DNM1L: variants seen among roughly 807,000 people sequenced by gnomAD.
DNM1L encodes the protein dynamin 1L.
DNM1L carries 33 observed loss-of-function variants against 92.8 expected under a neutral mutation model. The ratio of observed to expected loss-of-function variants is 0.36; its 90% CI spans 0.27 to 0.48. DNM1L has a LOEUF of 0.48. Among genes scored for constraint, DNM1L ranks in the 20% least tolerant of loss-of-function variants. The pLI is 0.99. For missense variants in DNM1L, 485 were observed against 888.8 expected, an observed-to-expected ratio of 0.55 and a Z score of 5.78; for synonymous variants, 284 against 305.0, an observed-to-expected ratio of 0.93 and a Z score of 0.72.
chr12:32,737,092 T>C lies in DNM1L; in HGVS notation c.1540-13T>C. ...ACTTGGATAATCACTTTTGTTTTGC[T>C]TGTGTTTCTTAGGAACAAAGGAGAA... On this transcript the variant is annotated splice_polypyrimidine_tract_variant and intron_variant, in intron 13 of 19. Transcript: ENST00000549701. 2 of 1,613,656 alleles carry C rather than the reference T, an allele frequency of 1.2e-6. No homozygotes were observed. Among genetic ancestry groups the C allele is most frequent in the Middle Eastern group, 1.7e-4 (1 of 6,056 alleles).
chr12:32,733,695 C>G lies in DNM1L; in HGVS notation c.1447-20C>G, dbSNP rs1273259230. ...TGGTTGATGTATTTTTGTATATCGC[C>G]TAACTTACTTTTTTTCTAGGTCCAT... On this transcript the variant is annotated intron_variant, in intron 12 of 19. Coordinates refer to ENST00000549701, the MANE Select transcript of DNM1L (RefSeq NM_012062.5). 1.2e-6 allele frequency: 2 copies of G among 1,604,308 alleles called. No individual in the cohort carries two copies. Among genetic ancestry groups the G allele is most frequent in the African/African-American group, 2.7e-5 (2 of 74,608 alleles).
chr12:32,705,364 A>G (rs573350827), intron 2 of DNM1L: 1 of 152,518 alleles, frequency 6.6e-6, no homozygotes, highest in East Asian at 1.9e-4. Flanking sequence ...TAATGGTCAC[A>G]TAACTTTTTT....
At chr12:32,710,179 C>T (rs1411001484) in intron 4 of DNM1L, among the ~76,000 whole-genome samples, 9 of 152,172 alleles carry the variant, frequency 5.9e-5, no homozygotes, top group African/African-American at 1.9e-4. Context: ...TACACGTTAC[C>T]TCTCACTATC....
At chr12:32,686,945 T>TC (rs1371850832) in intron 1 of DNM1L, among the ~76,000 whole-genome samples, 2 of 142,682 alleles carry the variant, frequency 1.4e-5, no homozygotes, top group Admixed American at 1.4e-4. Flanking sequence ...TTCTTTTTTT[T>TC]TTTTTTTTTT....
rs950395617 is a variant in DNM1L at position 32,744,915 on chromosome 12, C to G, written c.*1505C>G. On this transcript the variant is annotated 3_prime_UTR_variant, in exon 20 of 20. Transcript: ENST00000549701. ...ATCCTTAAGACATCTAGCCCCGTCT[C>G]TAATAGACAACACATTTATATTGCA... 3.9e-6 allele frequency: 2 copies of G among 517,194 alleles called. No homozygotes were observed. Among genetic ancestry groups the G allele is most frequent in the Non-Finnish European group, 7.7e-6 (2 of 259,284 alleles). 32.0% of individuals were successfully genotyped at this position (517,194 alleles called of 1,614,324 possible).
At chr12:32,685,373 T>G (rs1256618883) in intron 1 of DNM1L, among the ~76,000 whole-genome samples, 11 of 150,890 alleles carry the variant, frequency 7.3e-5, no homozygotes, top group Non-Finnish European at 5.9e-5. Context: ...TTTTTTTTTT[T>G]TTTTTGAGAC....
chr12:32,745,506 A>G lies in DNM1L; in HGVS notation c.*2096A>G, dbSNP rs967738061. 5.2e-5 allele frequency: 8 copies of G among 152,602 alleles called. No individual in the cohort carries two copies. The highest frequency in any genetic ancestry group is 1.9e-4 in the African/African-American group (8 of 41,352). The allele number at this position is 152,602 out of a possible 1,614,324, so 9.5% of individuals were successfully genotyped here. A position where few individuals can be genotyped will look rare whatever the true frequency, so the allele number is the denominator to read the frequency against. The stretch of plus-strand genomic sequence containing the variant: ...AGAGATGATCTCTGACGATACCTGT[A>G]TGTTCTTATTGTGTAAATAAAATTG... On this transcript the variant is annotated 3_prime_UTR_variant, in exon 20 of 20. Coordinates refer to ENST00000549701, the MANE Select transcript of DNM1L (RefSeq NM_012062.5).
rs1954559620 is a variant in DNM1L, at chr12:32,731,623, T to C, written c.1356+112T>C. 7.4e-7 allele frequency: 1 copy of C among 1,347,356 alleles called. No homozygotes were observed. Among genetic ancestry groups the C allele is most frequent in the Non-Finnish European group, 1.0e-6 (1 of 965,048 alleles). The allele number at this position is 1,347,356 out of a possible 1,614,324, so 83.5% of individuals were successfully genotyped here. ...ATGGGATACAAGGTAAAATCTGTAG[T>C]TCCCTTACCTGAAAGTGATTTGAAA... is the stretch of plus-strand genomic sequence containing the variant. On this transcript the variant is annotated intron_variant, in intron 11 of 19. Coordinates refer to ENST00000549701, the MANE Select transcript of DNM1L (RefSeq NM_012062.5). The surrounding 1 kb of genome is among the most constrained non-coding windows in gnomAD (Gnocchi z 5.1).
At chr12:32,684,233 C>T (rs1055946717) in intron 1 of DNM1L, among the ~76,000 whole-genome samples, 97 of 152,230 alleles carry the variant, frequency 6.4e-4, no homozygotes, top group African/African-American at 2.1e-3. Context: ...TTTTATAAGC[C>T]CCACGTGGGT....
At chr12:32,738,224 T>A in intron 15 of DNM1L, 40 bp from the exon 16 acceptor site, 2 of 1,610,542 alleles carry the variant, frequency 1.2e-6, no homozygotes, top group Non-Finnish European at 1.7e-6. Context: ...TATTTAAATT[T>A]TGCTTGTTAA....
rs746931612 is a variant in DNM1L, at chr12:32,740,080, G to A, written c.1724G>A (p.Gly575Asp). The change falls in exon 17 of 20, where the codon GGT becomes GAT. Residue 575 changes from glycine (G) to aspartate (D), a missense_variant. By Grantham distance (94) the Gly-to-Asp change is moderately conservative (BLOSUM62 -1). Transcript: ENST00000549701. ...RETKNVASGG[G>D]GVGDGVQEPT... ...TTTTTTCAGGTTGCATCTGGAGGTG[G>A]TGGGGTTGGAGATGGTGTTCAAGAA... is the stretch of plus-strand genomic sequence containing the variant. The A allele has an allele frequency of 2.0e-5, 33 of 1,614,058 alleles. No individual in the cohort carries two copies. The highest frequency in any genetic ancestry group is 8.3e-5 in the Admixed American group (5 of 60,002).
At chr12:32,734,397 C>T (rs1954741395) in intron 13 of DNM1L, among the ~76,000 whole-genome samples, 1 of 152,158 alleles carries the variant, frequency 6.6e-6, no homozygotes, top group South Asian at 2.1e-4. Context: ...TTCAGTAAGA[C>T]CTGAGTCCCC....
intron 3 of DNM1L, 52 bp from the exon 4 acceptor site, chr12:32,708,100 GA>G: frequency 9.1e-7 from 1 of 1,104,756 alleles, no homozygotes; most frequent in Non-Finnish European, 1.4e-6. Context: ...TCCAGCTTAA[GA>G]ACTTTTGATC....
Position 32,731,528 on chromosome 12 carries a change from T to G in DNM1L, c.1356+17T>G, listed in dbSNP as rs764033068. Reference sequence around the variant, plus strand: ...AGTACACAGGTAACGGAGAGAAATGTAACAGGTTTCACATGAACTAGAAAA... The same window carrying G: ...AGTACACAGGTAACGGAGAGAAATGGAACAGGTTTCACATGAACTAGAAAA... On this transcript the variant is annotated intron_variant, in intron 11 of 19. Coordinates refer to ENST00000549701, the MANE Select transcript of DNM1L (RefSeq NM_012062.5). The surrounding 1 kb of genome is among the most constrained non-coding windows in gnomAD (Gnocchi z 5.1). The G allele has an allele frequency of 3.4e-5, 55 of 1,613,580 alleles. No homozygotes were observed. The highest frequency in any genetic ancestry group is 4.5e-5 in the Non-Finnish European group (53 of 1,179,950).
In DNM1L at chr12:32,720,790, A is replaced by G. The variant is rs891531486; in HGVS notation, c.867A>G (p.Leu289=). ...RNGTKYLART[L]NRLLMHHIRD... The stretch of plus-strand genomic sequence containing the variant: ...GAACAAAGTATCTTGCTAGGACTCT[A>G]AACAGGTAATTTTTTTACCTTTTGG... The change falls in exon 8 of 20, where the codon CTA becomes CTG. Residue 289 remains leucine (L), a synonymous_variant. Coordinates refer to ENST00000549701, the MANE Select transcript of DNM1L (RefSeq NM_012062.5). 22 of 1,613,000 alleles carry G rather than the reference A, an allele frequency of 1.4e-5. No individual in the cohort carries two copies. The African/African-American group carries it at 2.1e-4, about 16-fold the overall frequency.
Position 32,722,640 on chromosome 12 carries a change from A to T in DNM1L, c.1079+7A>T. 6.2e-7 allele frequency: 1 copy of T among 1,608,928 alleles called. No homozygotes were observed. Among genetic ancestry groups the T allele is most frequent in the Non-Finnish European group, 8.5e-7 (1 of 1,177,648 alleles). On this transcript the variant is annotated splice_region_variant and intron_variant, in intron 9 of 19. Transcript: ENST00000549701. Reference sequence around the variant, plus strand: ...ATATTGAAACTTCGGAGCTGTAAGTAAGAAATTTTTCTGTAGATTTGGTTA... The same window carrying T: ...ATATTGAAACTTCGGAGCTGTAAGTTAGAAATTTTTCTGTAGATTTGGTTA...
At chr12:32,707,288 A>G (rs1422544315) in intron 2 of DNM1L, 79 bp from the exon 3 acceptor site, 1 of 1,164,008 alleles carries the variant, frequency 8.6e-7, no homozygotes, top group African/African-American at 1.6e-5. Flanking sequence ...GAAGTGTTTT[A>G]TTATGTTGCC....
At chr12:32,691,275 T>C (rs1210941326) in intron 1 of DNM1L, among the ~76,000 whole-genome samples, 1 of 152,198 alleles carries the variant, frequency 6.6e-6, no homozygotes, top group East Asian at 1.9e-4. Flanking sequence ...AGTCTCGCTC[T>C]GTCGCCAGGC....
chr12:32,727,136 C>A lies in DNM1L; in HGVS notation c.1080-3878C>A, dbSNP rs959149336. Reference sequence around the variant, plus strand: ...CCTTTTCTTTCAACTCCTCTGAAATCTCATCTTCTTCATCTGGTTTCCATT... The same window carrying A: ...CCTTTTCTTTCAACTCCTCTGAAATATCATCTTCTTCATCTGGTTTCCATT... On this transcript the variant is annotated intron_variant, in intron 9 of 19. Transcript: ENST00000549701. The A allele has an allele frequency of 1.3e-5, 10 of 764,614 alleles. No homozygotes were observed. The African/African-American group carries it at 1.7e-4, about 13-fold the overall frequency. 47.4% of individuals were successfully genotyped at this position (764,614 alleles called of 1,614,324 possible).
Sources: allele counts gnomAD v4.1 joint callset (sites outside exome capture counted in the v4.1 genomes callset), GRCh38; gene constraint gnomAD v4.1.1; non-coding constraint Gnocchi (gnomAD v3.1); transcripts MANE v1.5; gene names NCBI Gene and HGNC (gene_info 2026-07-23, HGNC 2026-07-21).